Variants in TENM2 observed in about 807,000 individuals in gnomAD.
TENM2 encodes the protein teneurin-2.
TENM2 carries 52 observed loss-of-function variants against 245.2 expected under a neutral mutation model. The observed-to-expected ratio is 0.21, with a 90% CI of 0.17 to 0.27. The LOEUF (loss-of-function observed/expected upper bound fraction) is 0.27. TENM2 is among the 10% of genes least tolerant of loss of function. The probability of loss-of-function intolerance (pLI) is 1.00; values close to 1 mark genes in which losing one functional copy is unlikely to be tolerated. For synonymous variants in TENM2, 1,363 were observed against 1,438.9 expected (o/e 0.95, Z 1.19); for missense variants, 3,046 against 3,666.8 (o/e 0.83, Z 4.37).
intron 2 of TENM2, chr5:167,660,619 A>G (rs1193524255): frequency 6.6e-6 from 1 of 152,022 alleles, no homozygotes; most frequent in African/African-American, 2.4e-5. Flanking sequence ...CTAAGAAGTC[A>G]GAAAAAAAAA....
intron 2 of TENM2, among the ~76,000 whole-genome samples, chr5:167,655,911 A>T (rs1754811177): frequency 2.0e-5 from 3 of 152,174 alleles, no homozygotes; most frequent in Admixed American, 1.3e-4. Flanking sequence ...TGACCTGTGC[A>T]GTTGTCTGTG....
chr5:167,798,143 GA>G (rs1234281742), intron 2 of TENM2, among the ~76,000 whole-genome samples: 1 of 152,228 alleles, frequency 6.6e-6, no homozygotes, highest in Non-Finnish European at 1.5e-5. Flanking sequence ...TACTCAGCTA[GA>G]AAGTGGAAGA....
upstream of TENM2, among the ~76,000 whole-genome samples, chr5:167,281,434 A>C (rs563511270): frequency 6.6e-6 from 1 of 152,136 alleles, no homozygotes; most frequent in Non-Finnish European, 1.5e-5. Context: ...TTTTTAAGTA[A>C]CAGGCAGGCT....
intron 3 of TENM2, among the ~76,000 whole-genome samples, chr5:167,944,619 T>C (rs1346886733): frequency 6.6e-6 from 1 of 152,172 alleles, no homozygotes; most frequent in Non-Finnish European, 1.5e-5. Flanking sequence ...ATGTCCAGGA[T>C]TGGCACATCC....
chr5:167,350,161 T>C (rs1241381280), intron 1 of TENM2, among the ~76,000 whole-genome samples: 1 of 152,152 alleles, frequency 6.6e-6, no homozygotes, highest in African/African-American at 2.4e-5. Flanking sequence ...CCTGTTCTTA[T>C]ACTGGCCACT....
chr5:167,770,600 C>T (rs982621162), intron 2 of TENM2, among the ~76,000 whole-genome samples: 1 of 152,176 alleles, frequency 6.6e-6, no homozygotes, highest in African/African-American at 2.4e-5. Flanking sequence ...GCTCTTGTAA[C>T]CACCACGTTG....
chr5:167,347,994 GAGAGA>G lies in TENM2; in HGVS notation c.227-27196_227-27192del, dbSNP rs144195904. Among the ~76,000 whole-genome samples the G allele has an allele frequency of 7.8e-3, 1,194 of 152,294 alleles. 16 individuals are homozygous for G. Among genetic ancestry groups the G allele is most frequent in the African/African-American group, 0.027 (1,139 of 41,570 alleles). On this transcript the variant is annotated intron_variant, in intron 1 of 28. Transcript: ENST00000518659. ...TCATGTCCACCGTGCCCTTTGAGAAGAGAGAAGAGAAGTGATCGCATCCAAAATTC... is the reference window on the plus strand; with the variant it reads ...TCATGTCCACCGTGCCCTTTGAGAAGAGAGAAGTGATCGCATCCAAAATTC...
chr5:167,830,246 T>C (rs1031196244), intron 2 of TENM2, among the ~76,000 whole-genome samples: 1 of 152,178 alleles, frequency 6.6e-6, no homozygotes, highest in African/African-American at 2.4e-5. Flanking sequence ...GCTATTAGAG[T>C]GAGATGTGTT....
the TENM2 span, among the ~76,000 whole-genome samples, chr5:167,166,093 T>C: frequency 6.6e-6 from 1 of 152,186 alleles, no homozygotes; most frequent in Non-Finnish European, 1.5e-5. Context: ...GGGAAAGCTT[T>C]TGTGAATGAT....
In TENM2 at chr5:167,975,536, A is replaced by G. The variant is rs557943209; in HGVS notation, c.948-17408A>G. ...TGTGTCTGGCCTACAAACACACTTA[A>G]ATGGCACACTTCTGCACAACATTCC... On this transcript the variant is annotated intron_variant, in intron 4 of 28. Coordinates refer to ENST00000518659, the Ensembl canonical transcript of TENM2. Among the ~76,000 whole-genome samples the G allele has an allele frequency of 3.9e-5, 6 of 152,206 alleles. No homozygotes were observed. In the East Asian group the frequency reaches 1.2e-3, roughly 29 times the overall value.
the TENM2 span, among the ~76,000 whole-genome samples, chr5:167,185,485 T>C: frequency 6.6e-6 from 1 of 152,176 alleles, no homozygotes; most frequent in Non-Finnish European, 1.5e-5. Context: ...TTTATATGTT[T>C]CAACATATAT....
the TENM2 span, among the ~76,000 whole-genome samples, chr5:167,078,711 C>T: frequency 6.6e-6 from 1 of 152,176 alleles, no homozygotes; most frequent in South Asian, 2.1e-4. Flanking sequence ...CTGGTCACAA[C>T]ATTTTCATCA....
chr5:168,086,860 GA>G, intron 7 of TENM2, among the ~76,000 whole-genome samples: 1 of 152,320 alleles, frequency 6.6e-6, no homozygotes, highest in Non-Finnish European at 1.5e-5. Flanking sequence ...GCCAGGGCCT[GA>G]GCTTTTGGAA....
intron 2 of TENM2, among the ~76,000 whole-genome samples, chr5:167,793,199 A>G (rs2150907080): frequency 6.6e-6 from 1 of 152,280 alleles, no homozygotes; most frequent in Admixed American, 6.5e-5. Flanking sequence ...AGATCAAGAG[A>G]AAACCAAGTT....
intron 9 of TENM2, among the ~76,000 whole-genome samples, chr5:168,101,060 G>A (rs114476052): frequency 0.012 from 1,848 of 152,282 alleles, 32 homozygotes; most frequent in African/African-American, 0.042. Context: ...CATCAGCAAA[G>A]TGAACTGTGG....
intron 5 of TENM2, among the ~76,000 whole-genome samples, chr5:168,001,496 C>A (rs748697828): frequency 6.6e-6 from 1 of 152,164 alleles, no homozygotes; most frequent in Non-Finnish European, 1.5e-5. Flanking sequence ...GAAAAGAAAG[C>A]AATCGCTACA....
the TENM2 span, among the ~76,000 whole-genome samples, chr5:167,018,318 C>T: frequency 6.6e-6 from 1 of 151,614 alleles, no homozygotes; most frequent in African/African-American, 2.4e-5. Context: ...CCCTGTGATT[C>T]AGGCAACAAT....
At chr5:168,216,173 C>T (rs200571295) in intron 21 of TENM2, among the ~76,000 whole-genome samples, 1 of 152,134 alleles carries the variant, frequency 6.6e-6, no homozygotes, top group Admixed American at 6.5e-5. Context: ...GGCAAAGACA[C>T]AAAATAAATA....
chr5:167,755,933 C>T lies in TENM2; in HGVS notation c.503-120053C>T, dbSNP rs576944679. Among the ~76,000 whole-genome samples, 28 of 152,220 alleles carry T rather than the reference C, an allele frequency of 1.8e-4. No individual in the cohort carries two copies. In the East Asian group the frequency reaches 5.2e-3, roughly 28 times the overall value. ...TAAATGGAGTGGTAATAACCCCTCA[C>T]TTTTCTAGGGCAACGTATGTTTTAC... On this transcript the variant is annotated intron_variant, in intron 2 of 28. Coordinates refer to ENST00000518659, the Ensembl canonical transcript of TENM2.
Sources: allele counts gnomAD v4.1 joint callset (sites outside exome capture counted in the v4.1 genomes callset), GRCh38; gene constraint gnomAD v4.1.1; transcripts MANE v1.5; gene names NCBI Gene and HGNC (gene_info 2026-07-23, HGNC 2026-07-21).